The following PDE4D variants were observed in gnomAD, a reference collection of about 807,000 sequenced individuals.
The protein encoded by PDE4D is 3',5'-cyclic-AMP phosphodiesterase 4D.
PDE4D carries 24 observed loss-of-function variants against 87.4 expected under a neutral mutation model. The observed-to-expected ratio is 0.27, with a 90% CI of 0.20 to 0.39. The LOEUF (loss-of-function observed/expected upper bound fraction) is 0.39. Among genes scored for constraint, PDE4D ranks in the 10% least tolerant of loss-of-function variants. The pLI, the probability that PDE4D is intolerant of heterozygous loss-of-function variation, is 1.00. For missense variants in PDE4D, 714 were observed against 1,041.0 expected (o/e 0.69, Z 4.32); for synonymous variants, 384 against 383.2 (o/e 1.00, Z -0.02).
At chr5:60,011,335 A>G (rs1287545197) in intron 2 of PDE4D, among the ~76,000 whole-genome samples, 3 of 152,102 alleles carry the variant, frequency 2.0e-5, no homozygotes, top group African/African-American at 7.2e-5. Context: ...ATGAGAGGAA[A>G]AGACAAGGTG....
intron 1 of PDE4D, among the ~76,000 whole-genome samples, chr5:59,799,634 TATC>T (rs1766894769): frequency 6.6e-6 from 1 of 152,200 alleles, no homozygotes; most frequent in Non-Finnish European, 1.5e-5. Flanking sequence ...CATCGGACCA[TATC>T]ATGCAAACAG....
At chr5:59,889,003 G>A (rs1392211318) in intron 1 of PDE4D, among the ~76,000 whole-genome samples, 2 of 151,958 alleles carry the variant, frequency 1.3e-5, no homozygotes, top group Non-Finnish European at 2.9e-5. Flanking sequence ...GAGGCGGGTG[G>A]ATAACTTGAG....
At chr5:59,511,655 A>G (rs1810298312) in intron 1 of PDE4D, among the ~76,000 whole-genome samples, 1 of 152,058 alleles carries the variant, frequency 6.6e-6, no homozygotes, top group Admixed American at 6.6e-5. Flanking sequence ...AATGAGCTAT[A>G]TAAGTAGAGT....
chr5:59,808,623 G>A (rs1768001267), intron 1 of PDE4D, among the ~76,000 whole-genome samples: 1 of 152,002 alleles, frequency 6.6e-6, no homozygotes, highest in Non-Finnish European at 1.5e-5. Context: ...TTAAAAGCAT[G>A]GGGAACAGAT....
rs549016406 is a variant in PDE4D at position 60,230,178 on chromosome 5, A to G, written c.-89-44491T>C. Among the ~76,000 whole-genome samples the G allele has an allele frequency of 2.0e-4, 31 of 152,224 alleles. No individual in the cohort carries two copies. The East Asian group carries it at 4.5e-3, about 22-fold the overall frequency. ...ATAAATTATGAAAGGCTTAAATTCA[A>G]TTTTAAAAAACAATGATTTTAAAGT... is the stretch of plus-strand genomic sequence containing the variant. On this transcript the variant is annotated intron_variant, in intron 1 of 16. Transcript: ENST00000502484.
intron 1 of PDE4D, among the ~76,000 whole-genome samples, chr5:59,426,656 G>T (rs77212278): frequency 6.6e-6 from 1 of 151,992 alleles, no homozygotes; most frequent in Non-Finnish European, 1.5e-5. Flanking sequence ...GGAAGAAGGC[G>T]GCTGGGTGAG....
intron 3 of PDE4D, among the ~76,000 whole-genome samples, chr5:59,960,637 A>G (rs1465794426): frequency 1.3e-5 from 2 of 152,206 alleles, no homozygotes; most frequent in African/African-American, 4.8e-5. Flanking sequence ...GTTTTCACTT[A>G]TAAGTGGAAG....
chr5:59,953,166 G>C (rs564074385), intron 3 of PDE4D, among the ~76,000 whole-genome samples: 2 of 152,084 alleles, frequency 1.3e-5, no homozygotes, highest in African/African-American at 4.8e-5. Flanking sequence ...TTAAACATAA[G>C]GCAGTATATG....
intron 1 of PDE4D, among the ~76,000 whole-genome samples, chr5:60,498,487 CCA>C (rs1374742481): frequency 1.3e-5 from 2 of 152,138 alleles, no homozygotes. Context: ...TACCTTCACC[CCA>C]GTCCCAGAAC....
intron 1 of PDE4D, among the ~76,000 whole-genome samples, chr5:59,349,059 T>C (rs1041854282): frequency 5.9e-5 from 9 of 152,098 alleles, no homozygotes; most frequent in Admixed American, 5.9e-4. Context: ...CCAGCCTAGA[T>C]GACAGAGTGA....
At chr5:59,893,858 A>G (rs1751347450), upstream of PDE4D, 3 of 1,294,732 alleles carry the variant, frequency 2.3e-6, no homozygotes, top group Non-Finnish European at 2.9e-6. Context: ...TATGGCAGAG[A>G]CACGCTCCCG....
chr5:60,232,215 G>A (rs1745896436), intron 1 of PDE4D, among the ~76,000 whole-genome samples: 1 of 151,888 alleles, frequency 6.6e-6, no homozygotes, highest in African/African-American at 2.4e-5. Context: ...GTAACATTAA[G>A]ACACAATGAA....
intron 3 of PDE4D, among the ~76,000 whole-genome samples, chr5:59,918,062 T>C (rs1306932533): frequency 6.6e-6 from 1 of 151,816 alleles, no homozygotes; most frequent in African/African-American, 2.4e-5. Flanking sequence ...AAAGAGAAAA[T>C]TTGTGGGATA....
intron 5 of PDE4D, among the ~76,000 whole-genome samples, chr5:59,108,632 G>T (rs1444230754): frequency 1.3e-5 from 2 of 152,110 alleles, no homozygotes; most frequent in African/African-American, 4.8e-5. Context: ...GGTGGCTCAC[G>T]CCCGTAGTCC....
At chr5:59,493,268 G>A (rs1806556987) in intron 1 of PDE4D, among the ~76,000 whole-genome samples, 1 of 152,116 alleles carries the variant, frequency 6.6e-6, no homozygotes, top group African/African-American at 2.4e-5. Context: ...CCTTTGTTAA[G>A]ATTCAAAAAT....
intron 1 of PDE4D, among the ~76,000 whole-genome samples, chr5:59,444,848 C>T (rs1343856575): frequency 6.6e-6 from 1 of 152,038 alleles, no homozygotes; most frequent in Non-Finnish European, 1.5e-5. Flanking sequence ...ACCTAGAGTT[C>T]CCCTCCCTAC....
chr5:59,540,794 A>C (rs1816201095), intron 1 of PDE4D, among the ~76,000 whole-genome samples: 1 of 152,220 alleles, frequency 6.6e-6, no homozygotes, highest in African/African-American at 2.4e-5. Context: ...CTGATCATCA[A>C]ATCTAACAAA....
At chr5:60,319,687 GT>G (rs1169522807) in intron 1 of PDE4D, among the ~76,000 whole-genome samples, 17 of 152,170 alleles carry the variant, frequency 1.1e-4, no homozygotes, top group Non-Finnish European at 1.9e-4. Context: ...CTGTTTGTTA[GT>G]TTTCCTTCTA....
intron 1 of PDE4D, among the ~76,000 whole-genome samples, chr5:59,528,211 T>C (rs981211503): frequency 2.6e-5 from 4 of 152,224 alleles, no homozygotes; most frequent in Admixed American, 2.0e-4. Flanking sequence ...ACAGAGATCC[T>C]ATCAGACATA....
Sources: gnomAD v4.1 joint callset for allele counts (sites outside exome capture counted in the v4.1 genomes callset) on GRCh38, gnomAD v4.1.1 for gene constraint, MANE v1.5 for transcripts, NCBI Gene and HGNC (gene_info 2026-07-23, HGNC 2026-07-21) for gene names.